TRAPPC9: variants seen among roughly 807,000 people sequenced by gnomAD.
TRAPPC9 encodes the protein trafficking protein particle complex subunit 9.
A neutral mutation model predicts 124.0 loss-of-function variants in TRAPPC9; 83 were observed. The observed-to-expected ratio is 0.67, with a 90% CI of 0.56 to 0.80. The LOEUF is 0.80. Ranked by LOEUF, TRAPPC9 falls within the 30% of genes least tolerant of loss-of-function variation. TRAPPC9 has a pLI of 0.00. For synonymous variants in TRAPPC9, 638 were observed against 617.5 expected (o/e 1.03, Z -0.49); for missense variants, 1,302 against 1,508.3 (o/e 0.86, Z 2.27).
intron 17 of TRAPPC9, among the ~76,000 whole-genome samples, chr8:140,169,571 G>A (rs1019886019): frequency 1.3e-5 from 2 of 152,216 alleles, no homozygotes; most frequent in Admixed American, 6.5e-5. Flanking sequence ...AGGGCAGTAC[G>A]ATGACATATT....
chr8:140,182,801 T>C lies in TRAPPC9; in HGVS notation c.2556+38658A>G, dbSNP rs2062235372. On this transcript the variant is annotated intron_variant, in intron 17 of 22. Coordinates refer to ENST00000438773, the MANE Select transcript of TRAPPC9 (RefSeq NM_001160372.4). The surrounding 1 kb of genome is among the most constrained non-coding windows in gnomAD (Gnocchi z 4.0). ...ATCGTCACACACACCACAACTTGCA[T>C]CATGCCATTCCCCCTTCTCTGCCCG... 6.6e-6 allele frequency among the ~76,000 whole-genome samples: 1 copy of C among 152,126 alleles called. No individual in the cohort carries two copies. The highest frequency in any genetic ancestry group is 2.4e-5 in the African/African-American group (1 of 41,422).
intron 17 of TRAPPC9, among the ~76,000 whole-genome samples, chr8:140,070,970 A>T (rs1843129974): frequency 6.6e-6 from 1 of 152,242 alleles, no homozygotes. Flanking sequence ...AGGCCTTGGC[A>T]GCACTCGGCC....
intron 17 of TRAPPC9, among the ~76,000 whole-genome samples, chr8:140,168,695 G>T (rs575517557): frequency 6.6e-6 from 1 of 152,328 alleles, no homozygotes; most frequent in Admixed American, 6.5e-5. Flanking sequence ...CGGATTGAGG[G>T]CCAGGAGAGG....
In TRAPPC9 at chr8:139,991,410, T is replaced by C. The variant is rs186382539; in HGVS notation, c.2700-2574A>G. On this transcript the variant is annotated intron_variant, in intron 18 of 22. Transcript: ENST00000438773. ...TCTAATTGTTGACATGATGATGTATTGGTGGAGCTTGGCTTCCTATCTGTG... is the reference window on the plus strand; with the variant it reads ...TCTAATTGTTGACATGATGATGTATCGGTGGAGCTTGGCTTCCTATCTGTG... 2.2e-3 allele frequency among the ~76,000 whole-genome samples: 341 copies of C among 152,250 alleles called. 1 individual carries two copies. The highest frequency in any genetic ancestry group is 7.4e-3 in the African/African-American group (307 of 41,540).
intron 21 of TRAPPC9, among the ~76,000 whole-genome samples, chr8:139,810,635 A>G (rs544108677): frequency 3.3e-5 from 5 of 152,322 alleles, no homozygotes; most frequent in East Asian, 1.9e-4. Context: ...CAGAAGTTCT[A>G]TTCTTGGTAG....
intron 17 of TRAPPC9, among the ~76,000 whole-genome samples, chr8:140,056,637 T>G (rs74780352): frequency 0.098 from 14,824 of 151,888 alleles, 1,382 homozygotes; most frequent in African/African-American, 0.24. Flanking sequence ...TGAATCTTTA[T>G]CTTATACCAT....
intron 17 of TRAPPC9, among the ~76,000 whole-genome samples, chr8:140,033,676 T>TGTTTTTTTTTTTG (rs61640655): frequency 9.5e-6 from 1 of 105,768 alleles, no homozygotes; most frequent in Non-Finnish European, 1.8e-5. Context: ...TTTTTTTTTT[T>TGTTTTTTTTTTTG]TTTTTTTTTT....
chr8:139,746,969 A>G (rs1451036607), intron 21 of TRAPPC9, among the ~76,000 whole-genome samples: 1 of 152,262 alleles, frequency 6.6e-6, no homozygotes, highest in African/African-American at 2.4e-5. Flanking sequence ...CAAGCACTTT[A>G]GACAACTGAA....
At chr8:140,174,971 C>G (rs1337993710) in intron 17 of TRAPPC9, among the ~76,000 whole-genome samples, 1 of 149,604 alleles carries the variant, frequency 6.7e-6, no homozygotes, top group Non-Finnish European at 1.5e-5. Context: ...TTTTGTGGAA[C>G]TACCAAACTG....
intron 18 of TRAPPC9, among the ~76,000 whole-genome samples, chr8:140,023,132 C>T (rs533945641): frequency 1.3e-5 from 2 of 152,188 alleles, no homozygotes; most frequent in Admixed American, 6.5e-5. Context: ...AAGACCTAGC[C>T]GGACACGAAC....
At chr8:140,164,824 C>T (rs2061806688) in intron 17 of TRAPPC9, among the ~76,000 whole-genome samples, 2 of 152,196 alleles carry the variant, frequency 1.3e-5, no homozygotes, top group South Asian at 4.1e-4. Flanking sequence ...CATTTTATCA[C>T]CTGAATGTCC....
intron 2 of TRAPPC9, among the ~76,000 whole-genome samples, chr8:140,445,992 G>A (rs192718656): frequency 1.3e-4 from 20 of 152,282 alleles, no homozygotes; most frequent in East Asian, 1.9e-4. Context: ...GGACATTAGC[G>A]TCAACAAATG....
chr8:139,905,452 G>A (rs1016534103), intron 20 of TRAPPC9, among the ~76,000 whole-genome samples: 61 of 152,352 alleles, frequency 4.0e-4, no homozygotes, highest in Non-Finnish European at 8.4e-4. Flanking sequence ...GACACAGGGA[G>A]AGTGCTTCCC....
At chr8:139,976,401 C>G (rs1836470030) in intron 19 of TRAPPC9, among the ~76,000 whole-genome samples, 2 of 152,142 alleles carry the variant, frequency 1.3e-5, no homozygotes, top group Admixed American at 6.5e-5. Context: ...AAAGGTACAG[C>G]CTATGTTTAA....
chr8:139,970,004 C>T (rs1390525394), intron 19 of TRAPPC9, among the ~76,000 whole-genome samples: 2 of 152,176 alleles, frequency 1.3e-5, no homozygotes, highest in Non-Finnish European at 2.9e-5. Context: ...TTTCAGTACG[C>T]AAAAAATGTT....
Position 140,221,486 on chromosome 8 carries a change from G to T in TRAPPC9, c.2529C>A (p.Asn843Lys). ...TCACGTGGCTGTAGTCGCCTGCTTT[G>T]TTGCTCTCGGGTGGGTTCACAGGTT... ...EGKPVNPPES[N>K]KAGDYSHVKT... is the part of the protein sequence containing the mutation. Residue 843 changes from asparagine to lysine, a missense_variant, in exon 17 of 23, where the codon AAC (asparagine) becomes AAA (lysine). Around this residue, in one of 3 missense-constraint regions of TRAPPC9, gnomAD observed 640 missense variants for 679.3 expected, o/e 0.94. Coordinates refer to ENST00000438773, the MANE Select transcript of TRAPPC9 (RefSeq NM_001160372.4). 1 of 1,614,148 alleles carries T rather than the reference G, an allele frequency of 6.2e-7. No homozygotes were observed. Among genetic ancestry groups the T allele is most frequent in the Non-Finnish European group, 8.5e-7 (1 of 1,180,022 alleles).
intron 1 of TRAPPC9, among the ~76,000 whole-genome samples, chr8:140,455,749 T>A (rs983232236): frequency 6.6e-6 from 1 of 152,086 alleles, no homozygotes; most frequent in Non-Finnish European, 1.5e-5. Context: ...TTATTCTTAA[T>A]AGCTAAGGAG....
chr8:140,144,990 C>G (rs1228510572), intron 17 of TRAPPC9, among the ~76,000 whole-genome samples: 1 of 152,018 alleles, frequency 6.6e-6, no homozygotes, highest in African/African-American at 2.4e-5. Flanking sequence ...TCTCCTGCCT[C>G]AGGGGCCTCC....
At chr8:139,936,836 G>A (rs528552937) in intron 19 of TRAPPC9, among the ~76,000 whole-genome samples, 4 of 81,328 alleles carry the variant, frequency 4.9e-5, no homozygotes, top group Admixed American at 1.1e-4. Flanking sequence ...GAGAGTGGGC[G>A]AGTGGGCACT....
Sources: allele counts gnomAD v4.1 joint callset (sites outside exome capture counted in the v4.1 genomes callset), GRCh38; gene constraint gnomAD v4.1.1; regional missense constraint gnomAD v4.1.1; non-coding constraint Gnocchi (gnomAD v3.1); transcripts MANE v1.5; gene names NCBI Gene and HGNC (gene_info 2026-07-23, HGNC 2026-07-21).